SLCO3A1: variants seen among roughly 807,000 people sequenced by gnomAD.
SLCO3A1 encodes PGE1 transporter.
A neutral mutation model predicts 63.1 loss-of-function variants in SLCO3A1; 27 were observed. That is an observed-to-expected ratio of 0.43 (90% confidence interval 0.32 to 0.59). The LOEUF is 0.59. Among genes scored for constraint, SLCO3A1 ranks in the 20% least tolerant of loss-of-function variants. The probability of loss-of-function intolerance (pLI) is 0.09; values close to 1 mark genes in which losing one functional copy is unlikely to be tolerated. For missense variants in SLCO3A1, 773 were observed against 945.8 expected (o/e 0.82, Z 2.40); for synonymous variants, 473 against 409.9 (o/e 1.15, Z -1.86).
At chr15:92,168,815 C>T (rs753546071), downstream of SLCO3A1, among the ~76,000 whole-genome samples, 39 of 152,310 alleles carry the variant, frequency 2.6e-4, no homozygotes, top group African/African-American at 6.5e-4. Flanking sequence ...TCTTGTGTGA[C>T]GTGGCGGATT....
At chr15:92,101,617 C>T (rs1161778950) in intron 3 of SLCO3A1, among the ~76,000 whole-genome samples, 1 of 152,198 alleles carries the variant, frequency 6.6e-6, no homozygotes, top group African/African-American at 2.4e-5. Context: ...ACCAAAGCCT[C>T]CCCCGCCCTC....
At position 91,860,683 on chromosome 15, in the gene SLCO3A1, A is replaced by T. The variant is rs1432668852; in HGVS notation, c.180+6595A>T. On this transcript the variant is annotated intron_variant, in intron 1 of 9. Coordinates refer to ENST00000318445, the MANE Select transcript of SLCO3A1 (RefSeq NM_013272.4). The surrounding 1 kb of genome is among the most constrained non-coding windows in gnomAD (Gnocchi z 5.5). ...CAGGAGGGCGAGGACAAAGGGACAT[A>T]TGTTGTGGACATATGCTGCCCTCCA... Among the ~76,000 whole-genome samples the T allele has an allele frequency of 6.6e-6, 1 of 152,206 alleles. No homozygotes were observed. The highest frequency in any genetic ancestry group is 1.5e-5 in the Non-Finnish European group (1 of 68,030).
chr15:92,009,264 G>A (rs28496285), intron 2 of SLCO3A1, among the ~76,000 whole-genome samples: 2,565 of 152,252 alleles, frequency 0.017, 68 homozygotes, highest in African/African-American at 0.059. Context: ...ATTGAAATAA[G>A]CAAGAGCCAG....
intron 2 of SLCO3A1, among the ~76,000 whole-genome samples, chr15:92,085,443 G>A (rs958035736): frequency 5.9e-5 from 9 of 152,204 alleles, no homozygotes; most frequent in Admixed American, 5.2e-4. Flanking sequence ...GCCCCGGGGC[G>A]AGCTGCTTAA....
At chr15:91,907,806 G>A (rs1413236188) in intron 1 of SLCO3A1, among the ~76,000 whole-genome samples, 3 of 152,168 alleles carry the variant, frequency 2.0e-5, no homozygotes, top group African/African-American at 4.8e-5. Flanking sequence ...GATTACAGGC[G>A]TGAGTCACCG....
chr15:92,123,828 A>G (rs2047890838), intron 5 of SLCO3A1, among the ~76,000 whole-genome samples: 1 of 152,206 alleles, frequency 6.6e-6, no homozygotes, highest in African/African-American at 2.4e-5. Context: ...TACATCTTCT[A>G]TCGACAAACA....
chr15:92,010,850 G>C (rs1371084096), intron 2 of SLCO3A1, among the ~76,000 whole-genome samples: 1 of 152,112 alleles, frequency 6.6e-6, no homozygotes, highest in Non-Finnish European at 1.5e-5. Context: ...AATCAACTTT[G>C]TTCTGAAAAA....
In SLCO3A1 at chr15:92,072,674, G is replaced by A. The variant is rs145219534; in HGVS notation, c.647-22207G>A. ...GGGAGAATCCTTCCTTGCCTTTCCA[G>A]CTTCTGATAGATCCAGGCGTTCCTT... On this transcript the variant is annotated intron_variant, in intron 2 of 9. Coordinates refer to ENST00000318445, the MANE Select transcript of SLCO3A1 (RefSeq NM_013272.4). 1.5e-4 allele frequency among the ~76,000 whole-genome samples: 23 copies of A among 152,210 alleles called. No homozygotes were observed. In the East Asian group the frequency reaches 4.1e-3, roughly 27 times the overall value.
chr15:91,956,962 A>ATATATTTATATATATT (rs1378570301), intron 2 of SLCO3A1, among the ~76,000 whole-genome samples: 3 of 48,038 alleles, frequency 6.2e-5, no homozygotes, highest in Non-Finnish European at 1.0e-4. Context: ...TAATTTATTT[A>ATATATTTATATATATT]TATATATATA....
At chr15:92,020,611 A>T (rs1016800199) in intron 2 of SLCO3A1, among the ~76,000 whole-genome samples, 3 of 152,210 alleles carry the variant, frequency 2.0e-5, no homozygotes, top group Non-Finnish European at 4.4e-5. Flanking sequence ...GGAAGTGAGG[A>T]GGATGGATAG....
At chr15:92,121,583 A>AT (rs1421445553) in intron 5 of SLCO3A1, among the ~76,000 whole-genome samples, 2 of 152,224 alleles carry the variant, frequency 1.3e-5, no homozygotes, top group Admixed American at 1.3e-4. Context: ...GGTCTCTGGG[A>AT]TGATAATCGA....
At chr15:92,069,751 C>T (rs940941563) in intron 2 of SLCO3A1, among the ~76,000 whole-genome samples, 1 of 152,164 alleles carries the variant, frequency 6.6e-6, no homozygotes, top group East Asian at 1.9e-4. Context: ...CTCACTCGAG[C>T]TCTGCTGGGG....
At chr15:91,918,003 A>C (rs1898718220) in intron 2 of SLCO3A1, among the ~76,000 whole-genome samples, 1 of 152,138 alleles carries the variant, frequency 6.6e-6, no homozygotes, top group African/African-American at 2.4e-5. Context: ...CAAGTAGAAA[A>C]ATTTCTCCCC....
At chr15:91,962,114 A>G (rs1219770454) in intron 2 of SLCO3A1, among the ~76,000 whole-genome samples, 2 of 152,150 alleles carry the variant, frequency 1.3e-5, no homozygotes, top group Non-Finnish European at 2.9e-5. Context: ...GGTCATACAG[A>G]CAGGCTCAGA....
At chr15:92,123,687 A>C (rs1440516261) in intron 5 of SLCO3A1, among the ~76,000 whole-genome samples, 1 of 152,150 alleles carries the variant, frequency 6.6e-6, no homozygotes, top group Admixed American at 6.5e-5. Flanking sequence ...CCAGGATCTC[A>C]GGTTTAGCCC....
intron 1 of SLCO3A1, among the ~76,000 whole-genome samples, chr15:91,881,075 A>G (rs1897571349): frequency 1.3e-5 from 2 of 152,166 alleles, no homozygotes; most frequent in South Asian, 2.1e-4. Flanking sequence ...GCATTCATGT[A>G]TCTGCATTTC....
At chr15:92,043,349 G>T in intron 2 of SLCO3A1, among the ~76,000 whole-genome samples, 1 of 152,226 alleles carries the variant, frequency 6.6e-6, no homozygotes, top group Admixed American at 6.5e-5. Context: ...AAACAAACAG[G>T]GGCCAAACAT....
intron 4 of SLCO3A1, among the ~76,000 whole-genome samples, chr15:92,114,617 A>G (rs1017292871): frequency 6.6e-6 from 1 of 151,896 alleles, no homozygotes; most frequent in Non-Finnish European, 1.5e-5. Context: ...CTACATTTTT[A>G]TTATTTCTTC....
intron 2 of SLCO3A1, among the ~76,000 whole-genome samples, chr15:91,932,010 G>C (rs1899253034): frequency 1.3e-5 from 2 of 152,180 alleles, no homozygotes; most frequent in South Asian, 4.1e-4. Flanking sequence ...AGTGGTGACT[G>C]TCTTAGAAAG....
Sources: allele counts gnomAD v4.1 joint callset (sites outside exome capture counted in the v4.1 genomes callset), GRCh38; gene constraint gnomAD v4.1.1; non-coding constraint Gnocchi (gnomAD v3.1); transcripts MANE v1.5; gene names NCBI Gene and HGNC (gene_info 2026-07-23, HGNC 2026-07-21).